The following NUBPL variants were observed in gnomAD, a reference collection of about 807,000 sequenced individuals.
The protein encoded by NUBPL is NUBP iron-sulfur cluster assembly factor, mitochondrial.
A neutral mutation model predicts 45.7 loss-of-function variants in NUBPL; 31 were observed. That is an observed-to-expected ratio of 0.68 (90% CI 0.51 to 0.92). NUBPL has a LOEUF of 0.92. Among genes scored for constraint, NUBPL ranks in the 40% least tolerant of loss-of-function variants. The probability of loss-of-function intolerance (pLI) is 0.00; values close to 1 mark genes in which losing one functional copy is unlikely to be tolerated. For missense variants in NUBPL, 401 were observed against 398.7 expected, an observed-to-expected ratio of 1.01 and a Z score of -0.05; for synonymous variants, 144 against 140.9, an observed-to-expected ratio of 1.02 and a Z score of -0.15.
At chr14:31,682,919 G>A (rs1205933877) in intron 6 of NUBPL, among the ~76,000 whole-genome samples, 1 of 152,072 alleles carries the variant, frequency 6.6e-6, no homozygotes, top group Non-Finnish European at 1.5e-5. Context: ...GAAGGTTTCA[G>A]GCTGCTCCCA....
intron 4 of NUBPL, among the ~76,000 whole-genome samples, chr14:31,649,606 A>C (rs1052669812): frequency 1.3e-5 from 2 of 152,244 alleles, no homozygotes; most frequent in Admixed American, 1.3e-4. Context: ...ATACAACTTT[A>C]AATATGTGAT....
intron 7 of NUBPL, among the ~76,000 whole-genome samples, chr14:31,801,621 TGTAATGGGGA>T (rs1014932687): frequency 1.3e-5 from 2 of 152,178 alleles, no homozygotes; most frequent in Non-Finnish European, 2.9e-5. Context: ...GCATATTTTG[TGTAATGGGGA>T]GTAATAGATG....
chr14:31,829,529 C>T (rs2040157295), intron 8 of NUBPL, among the ~76,000 whole-genome samples: 1 of 152,122 alleles, frequency 6.6e-6, no homozygotes. Flanking sequence ...GCCTTAAGAG[C>T]CAGCCCCACA....
At chr14:31,778,470 T>TA (rs1408961671) in intron 6 of NUBPL, among the ~76,000 whole-genome samples, 1 of 152,240 alleles carries the variant, frequency 6.6e-6, no homozygotes, top group Non-Finnish European at 1.5e-5. Context: ...GGGTCTTTGT[T>TA]ATTGGGCTTT....
intron 10 of NUBPL, 75 bp downstream of exon 10, chr14:31,850,276 A>T (rs1390620092): frequency 5.9e-6 from 7 of 1,182,946 alleles, no homozygotes; most frequent in Non-Finnish European, 8.8e-6. Flanking sequence ...AGTTGGGAAG[A>T]TTAAGCGTTT....
intron 4 of NUBPL, among the ~76,000 whole-genome samples, chr14:31,617,926 G>A (rs1351897585): frequency 1.3e-5 from 2 of 152,022 alleles, no homozygotes; most frequent in Non-Finnish European, 2.9e-5. Context: ...TTTGTTGGTA[G>A]GCTATTAATT....
At chr14:31,793,375 C>A (rs930781158) in intron 7 of NUBPL, among the ~76,000 whole-genome samples, 3 of 152,152 alleles carry the variant, frequency 2.0e-5, no homozygotes, top group Non-Finnish European at 2.9e-5. Flanking sequence ...AATGTCTACT[C>A]CCCGCCATCT....
intron 6 of NUBPL, among the ~76,000 whole-genome samples, chr14:31,762,326 T>G (rs1455215908): frequency 6.6e-6 from 1 of 152,178 alleles, no homozygotes; most frequent in East Asian, 1.9e-4. Context: ...CCTATAAAAT[T>G]GATTAGGAAA....
intron 4 of NUBPL, among the ~76,000 whole-genome samples, chr14:31,617,154 C>T (rs1279009450): frequency 1.3e-5 from 2 of 152,108 alleles, no homozygotes; most frequent in East Asian, 1.9e-4. Context: ...AGTTGCTTAC[C>T]AGCTTAAGGA....
At chr14:31,783,720 G>A (rs2039234918) in intron 6 of NUBPL, among the ~76,000 whole-genome samples, 1 of 152,138 alleles carries the variant, frequency 6.6e-6, no homozygotes, top group African/African-American at 2.4e-5. Context: ...GTTTCACCAT[G>A]TTGGCTAGGC....
intron 4 of NUBPL, among the ~76,000 whole-genome samples, chr14:31,625,464 A>G (rs916098332): frequency 5.5e-5 from 8 of 146,270 alleles, no homozygotes; most frequent in South Asian, 2.2e-4. Flanking sequence ...TATAAATTCT[A>G]TTTCTTTTCT....
intron 3 of NUBPL, among the ~76,000 whole-genome samples, chr14:31,569,135 CT>C (rs1396128360): frequency 6.6e-6 from 1 of 152,080 alleles, no homozygotes; most frequent in African/African-American, 2.4e-5. Context: ...AATTTCTGGG[CT>C]GGACCATATG....
intron 6 of NUBPL, among the ~76,000 whole-genome samples, chr14:31,774,171 C>T (rs1268958608): frequency 1.3e-5 from 2 of 152,230 alleles, no homozygotes; most frequent in African/African-American, 4.8e-5. Context: ...GTTTACACCA[C>T]TGCTGATGTT....
At chr14:31,846,873 A>G (rs1369282473) in intron 9 of NUBPL, among the ~76,000 whole-genome samples, 2 of 151,934 alleles carry the variant, frequency 1.3e-5, no homozygotes, top group Non-Finnish European at 2.9e-5. Flanking sequence ...GGAGAATGGC[A>G]TGAACCCTGG....
intron 6 of NUBPL, among the ~76,000 whole-genome samples, chr14:31,783,829 T>A (rs941868825): frequency 2.0e-5 from 3 of 152,200 alleles, no homozygotes; most frequent in Admixed American, 1.3e-4. Flanking sequence ...ATAGCAGTTT[T>A]CTTTAAAGAA....
intron 7 of NUBPL, among the ~76,000 whole-genome samples, chr14:31,807,017 A>G (rs1412927743): frequency 2.6e-5 from 4 of 152,012 alleles, no homozygotes; most frequent in African/African-American, 9.7e-5. Context: ...AATCCAGTCT[A>G]TCACTGATGG....
In NUBPL at chr14:31,586,099, G is replaced by A. The variant is rs932025892; in HGVS notation, c.292-13190G>A. Among the ~76,000 whole-genome samples the A allele has an allele frequency of 2.6e-5, 4 of 151,968 alleles. No homozygotes were observed. In the South Asian group the frequency reaches 8.3e-4, roughly 32 times the overall value. On this transcript the variant is annotated intron_variant, in intron 3 of 10. Coordinates refer to ENST00000281081, the MANE Select transcript of NUBPL (RefSeq NM_025152.3). ...TTAAACAGCAATGGTCATTCCTTTG[G>A]CCCCTAAACAACACAATTGAGAATA...
intron 6 of NUBPL, among the ~76,000 whole-genome samples, chr14:31,690,395 A>C (rs932420125): frequency 6.6e-6 from 1 of 152,194 alleles, no homozygotes; most frequent in Admixed American, 6.5e-5. Context: ...CTGCCTTTCA[A>C]AATTCTTTCG....
chr14:31,613,059 A>G (rs571810420), intron 4 of NUBPL, among the ~76,000 whole-genome samples: 27 of 152,366 alleles, frequency 1.8e-4, no homozygotes, highest in Admixed American at 6.5e-4. Flanking sequence ...CCATCAACAG[A>G]TGAATGGATA....
Sources: gnomAD v4.1 joint callset for allele counts (sites outside exome capture counted in the v4.1 genomes callset) on GRCh38, gnomAD v4.1.1 for gene constraint, MANE v1.5 for transcripts, NCBI Gene and HGNC (gene_info 2026-07-23, HGNC 2026-07-21) for gene names.